JPH3: variants seen among roughly 807,000 people sequenced by gnomAD.
The protein encoded by JPH3 is junctophilin-3.
Under a neutral mutation model 59.6 loss-of-function variants are expected in JPH3, and 11 were observed. The observed-to-expected ratio is 0.18, with a 90% CI of 0.12 to 0.31. The LOEUF is 0.31. JPH3 is among the 10% of genes least tolerant of loss of function. The pLI is 1.00. For synonymous variants in JPH3, 673 were observed against 483.6 expected, an observed-to-expected ratio of 1.39 and a Z score of -5.14; for missense variants, 1,202 against 1,105.7, an observed-to-expected ratio of 1.09 and a Z score of -1.24.
At chr16:87,649,950 G>A (rs1023281450) in intron 2 of JPH3, among the ~76,000 whole-genome samples, 4 of 152,232 alleles carry the variant, frequency 2.6e-5, no homozygotes, top group East Asian at 1.9e-4. Context: ...GCTGCGTCTC[G>A]TGCAAACGTT....
chr16:87,649,745 C>T (rs1035309755), intron 2 of JPH3, among the ~76,000 whole-genome samples: 1 of 152,140 alleles, frequency 6.6e-6, no homozygotes, highest in Non-Finnish European at 1.5e-5. Context: ...TCCCCCTCCC[C>T]ACTTTGGCCC....
At chr16:87,645,383 G>A (rs184124956) in intron 2 of JPH3, among the ~76,000 whole-genome samples, 2 of 152,248 alleles carry the variant, frequency 1.3e-5, no homozygotes, top group Non-Finnish European at 2.9e-5. Context: ...TTGGAGTGCT[G>A]CTGTGCTAGC....
intron 2 of JPH3, among the ~76,000 whole-genome samples, chr16:87,676,953 C>G (rs147095517): frequency 6.6e-6 from 1 of 151,578 alleles, no homozygotes; most frequent in Non-Finnish European, 1.5e-5. Context: ...GGGCGGATCA[C>G]GAGGTCAGGA....
At chr16:87,619,308 G>A (rs1240568412) in intron 1 of JPH3, among the ~76,000 whole-genome samples, 1 of 68,058 alleles carries the variant, frequency 1.5e-5, no homozygotes, top group Non-Finnish European at 2.9e-5. Flanking sequence ...GCGAGACCCT[G>A]TCTTAAGAAA....
intron 2 of JPH3, among the ~76,000 whole-genome samples, chr16:87,668,312 A>G (rs1000675241): frequency 2.4e-4 from 37 of 152,172 alleles, no homozygotes; most frequent in African/African-American, 8.2e-4. Context: ...TGGGGGTTAC[A>G]TCTGGGCCTG....
At chr16:87,628,430 G>A (rs959953101) in intron 1 of JPH3, among the ~76,000 whole-genome samples, 4 of 152,254 alleles carry the variant, frequency 2.6e-5, no homozygotes, top group African/African-American at 7.2e-5. Flanking sequence ...GAGGGGCCGG[G>A]TGGGGCCGGA....
chr16:87,634,290 G>A (rs1448862660), intron 1 of JPH3, among the ~76,000 whole-genome samples: 2 of 152,148 alleles, frequency 1.3e-5, no homozygotes, highest in South Asian at 2.1e-4. Context: ...GGTCTGTTCC[G>A]GGGCATCCTG....
rs186467563 is a variant in JPH3, at chr16:87,682,755, G to T, written c.1161-1387G>T. ...GACCTCCCAGGGAGTCTGCTCGGAG[G>T]GGGGATTTGTCGTGGGGGAATTGGT... On this transcript the variant is annotated intron_variant, in intron 2 of 4. Coordinates refer to ENST00000284262, the MANE Select transcript of JPH3 (RefSeq NM_020655.4). Among the ~76,000 whole-genome samples, 8 of 152,318 alleles carry T rather than the reference G, an allele frequency of 5.3e-5. No individual in the cohort carries two copies. In the East Asian group the frequency reaches 1.5e-3, roughly 29 times the overall value.
chr16:87,651,538 TAGA>T (rs2032324247), intron 2 of JPH3, among the ~76,000 whole-genome samples: 1 of 152,202 alleles, frequency 6.6e-6, no homozygotes, highest in South Asian at 2.1e-4. Context: ...AACAAGAATT[TAGA>T]AGAAGTTGAT....
chr16:87,628,050 C>T (rs1336204946), intron 1 of JPH3, among the ~76,000 whole-genome samples: 2 of 152,230 alleles, frequency 1.3e-5, no homozygotes, highest in Non-Finnish European at 2.9e-5. Context: ...CCCTTATGTG[C>T]TGTGTCCTGT....
At chr16:87,655,417 GAT>G (rs2032466446) in intron 2 of JPH3, among the ~76,000 whole-genome samples, 1 of 152,130 alleles carries the variant, frequency 6.6e-6, no homozygotes, top group African/African-American at 2.4e-5. Flanking sequence ...GCAGTGGTAC[GAT>G]CATAGCCCAC....
At chr16:87,617,864 A>C (rs2031029917) in intron 1 of JPH3, among the ~76,000 whole-genome samples, 1 of 152,052 alleles carries the variant, frequency 6.6e-6, no homozygotes, top group South Asian at 2.1e-4. Context: ...GGTGGCATTG[A>C]ATAGTGCGAG....
At chr16:87,693,862 G>A (rs553674885) in intron 4 of JPH3, 140 of 152,384 alleles carry the variant, frequency 9.2e-4, no homozygotes, top group Admixed American at 1.8e-3. Flanking sequence ...TCACGTTAAC[G>A]GGAATGAGAT....
chr16:87,678,493 C>T (rs531890807), intron 2 of JPH3, among the ~76,000 whole-genome samples: 1 of 151,708 alleles, frequency 6.6e-6, no homozygotes, highest in Non-Finnish European at 1.5e-5. Context: ...GAGCCGAGAT[C>T]ATGCCACTGC....
intron 2 of JPH3, among the ~76,000 whole-genome samples, chr16:87,661,199 C>G (rs561988213): frequency 2.6e-5 from 4 of 152,208 alleles, no homozygotes; most frequent in Non-Finnish European, 5.9e-5. Flanking sequence ...CCTCTCCTCT[C>G]CGACCTCCTG....
At chr16:87,678,060 T>C (rs1227180275) in intron 2 of JPH3, among the ~76,000 whole-genome samples, 1 of 151,934 alleles carries the variant, frequency 6.6e-6, no homozygotes, top group Non-Finnish European at 1.5e-5. Flanking sequence ...GGAATCAGCC[T>C]GGGCAACATA....
At position 87,680,597 on chromosome 16, in the gene JPH3, C is replaced by G. The variant is rs368300256; in HGVS notation, c.1161-3545C>G. Among the ~76,000 whole-genome samples the G allele has an allele frequency of 1.4e-3, 207 of 152,310 alleles. 1 individual carries two copies. Among genetic ancestry groups the G allele is most frequent in the African/African-American group, 4.9e-3 (205 of 41,566 alleles). On this transcript the variant is annotated intron_variant, in intron 2 of 4. Coordinates refer to ENST00000284262, the MANE Select transcript of JPH3 (RefSeq NM_020655.4). ...GTGGAGGCACTACGGAGCCATGGTG[C>G]AGGGGTGGGGGGCCCCAGGTGAGCT...
intron 2 of JPH3, among the ~76,000 whole-genome samples, chr16:87,659,236 G>A (rs541008575): frequency 4.6e-5 from 7 of 151,994 alleles, no homozygotes; most frequent in Admixed American, 1.3e-4. Flanking sequence ...ATTCAGCCGG[G>A]TATGGTGGCA....
chr16:87,679,783 C>A (rs982068117), intron 2 of JPH3, among the ~76,000 whole-genome samples: 1 of 152,246 alleles, frequency 6.6e-6, no homozygotes, highest in East Asian at 1.9e-4. Context: ...CTCTCTTACC[C>A]CAGTTCTCCA....
Sources: gnomAD v4.1 joint callset for allele counts (sites outside exome capture counted in the v4.1 genomes callset) on GRCh38, gnomAD v4.1.1 for gene constraint, MANE v1.5 for transcripts, NCBI Gene and HGNC (gene_info 2026-07-23, HGNC 2026-07-21) for gene names.